Variants in KALRN observed in about 807,000 individuals in gnomAD.
KALRN encodes the protein kalirin.
A neutral mutation model predicts 353.7 loss-of-function variants in KALRN; 70 were observed. The ratio of observed to expected loss-of-function variants is 0.20; its 90% CI spans 0.16 to 0.24. The LOEUF is 0.24. KALRN is among the 10% of genes least tolerant of loss of function. The probability of loss-of-function intolerance (pLI) is 1.00; values close to 1 mark genes in which losing one functional copy is unlikely to be tolerated. For missense variants in KALRN, 2,791 were observed against 3,756.7 expected, an observed-to-expected ratio of 0.74 and a Z score of 6.72; for synonymous variants, 1,391 against 1,434.8, an observed-to-expected ratio of 0.97 and a Z score of 0.69.
At chr3:124,042,383 A>G (rs60547909) in intron 1 of KALRN, among the ~76,000 whole-genome samples, 5,891 of 152,298 alleles carry the variant, frequency 0.039, 353 homozygotes, top group African/African-American at 0.13. Flanking sequence ...TAAAAATGAC[A>G]TGATCAGAAA....
At chr3:124,093,913 G>T (rs2061270314) in intron 1 of KALRN, among the ~76,000 whole-genome samples, 1 of 152,190 alleles carries the variant, frequency 6.6e-6, no homozygotes, top group Non-Finnish European at 1.5e-5. Context: ...AAGGGCAGGA[G>T]CAAAGTCCTG....
rs959295532 is a variant in KALRN, at chr3:124,484,327, C to T, written c.4284+1427C>T. Among the ~76,000 whole-genome samples, 7 of 152,132 alleles carry T rather than the reference C, an allele frequency of 4.6e-5. 1 individual carries two copies. The highest frequency in any genetic ancestry group is 3.2e-3 in the Middle Eastern group (1 of 316). On this transcript the variant is annotated intron_variant, in intron 28 of 59. Coordinates refer to ENST00000682506, the MANE Select transcript of KALRN (RefSeq NM_001388419.1). ...TCTGTCCTCTGAGTCAGAGTGGGGC[C>T]GTGCCACATCATTTCCCTTCAGCCT...
At chr3:124,628,720 CAT>C (rs2080388350) in intron 34 of KALRN, among the ~76,000 whole-genome samples, 1 of 148,540 alleles carries the variant, frequency 6.7e-6, no homozygotes, top group South Asian at 2.2e-4. Flanking sequence ...GGATTTTAGT[CAT>C]GTGCCACCAC....
intron 1 of KALRN, chr3:124,152,127 C>A: frequency 7.7e-7 from 1 of 1,300,174 alleles, no homozygotes; most frequent in Non-Finnish European, 1.1e-6. Context: ...TTATAGATCT[C>A]ATGAATCAGA....
chr3:124,261,423 C>A lies in KALRN; in HGVS notation c.264-3075C>A, dbSNP rs57719402. 5.0e-3 allele frequency among the ~76,000 whole-genome samples: 764 copies of A among 152,252 alleles called. 7 individuals carry two copies. Among genetic ancestry groups the A allele is most frequent in the African/African-American group, 0.018 (739 of 41,532 alleles). ...GTCGTTTCCCCTTTCCCAGCTATGC[C>A]CCTTACTTGAAACCAAACACACAAA... is the stretch of plus-strand genomic sequence containing the variant. On this transcript the variant is annotated intron_variant, in intron 3 of 59. Coordinates refer to ENST00000682506, the MANE Select transcript of KALRN (RefSeq NM_001388419.1).
intron 1 of KALRN, chr3:124,163,691 A>G: frequency 4.1e-6 from 4 of 985,318 alleles, no homozygotes; most frequent in Non-Finnish European, 4.8e-6. Flanking sequence ...ACAACAGGAC[A>G]CTGAGCTGAG....
intron 1 of KALRN, among the ~76,000 whole-genome samples, chr3:124,093,355 G>A (rs998402411): frequency 6.6e-6 from 1 of 152,244 alleles, no homozygotes; most frequent in African/African-American, 2.4e-5. Flanking sequence ...GGCCTAGGCT[G>A]CACAGAGCTG....
intron 34 of KALRN, among the ~76,000 whole-genome samples, chr3:124,584,034 C>T (rs2074873047): frequency 6.6e-6 from 1 of 151,980 alleles, no homozygotes; most frequent in East Asian, 1.9e-4. Flanking sequence ...AAATCTACAA[C>T]CGTGGAATAT....
intron 1 of KALRN, among the ~76,000 whole-genome samples, chr3:124,065,632 T>TAAAA (rs56298061): frequency 7.6e-6 from 1 of 131,752 alleles, no homozygotes; most frequent in African/African-American, 2.8e-5. Flanking sequence ...ATTCCTTAGT[T>TAAAA]AAAAAAAAAA....
chr3:124,039,800 T>G (rs926026341), intron 1 of KALRN, among the ~76,000 whole-genome samples: 5 of 152,118 alleles, frequency 3.3e-5, no homozygotes, highest in Non-Finnish European at 7.3e-5. Context: ...AAGTTATGCT[T>G]GATGCTCCAG....
chr3:124,190,358 C>CT (rs1224116660), intron 1 of KALRN, among the ~76,000 whole-genome samples: 1 of 152,154 alleles, frequency 6.6e-6, no homozygotes, highest in African/African-American at 2.4e-5. Context: ...AAGACCCTAC[C>CT]TTCCCCCTTC....
chr3:124,536,196 C>CTTTTTTTTTTTTTTTTTTTTTTTTTTTT, intron 33 of KALRN, among the ~76,000 whole-genome samples: 1 of 99,124 alleles, frequency 1.0e-5, no homozygotes, highest in Non-Finnish European at 1.9e-5. Flanking sequence ...CATCCATACT[C>CTTTTTTTTTTTTTTTTTTTTTTTTTTTT]TTTTTTTTTT....
In KALRN at chr3:124,455,339, G is replaced by A. The variant is rs750434014; in HGVS notation, c.3715G>A (p.Ala1239Thr). The A allele has an allele frequency of 6.2e-7, 1 of 1,614,114 alleles. No individual in the cohort carries two copies. The highest frequency in any genetic ancestry group is 8.5e-7 in the Non-Finnish European group (1 of 1,179,976). Residue 1239 changes from alanine (A) to threonine (T), a missense_variant, in exon 22 of 60, where the codon GCC becomes ACC. This residue lies in a region of KALRN where 268 missense variants were observed against 347.0 expected (regional missense o/e 0.77). Transcript: ENST00000682506. ...AAAGTACCGATACTCACTGGAGAAA[G>A]CCCTAGGAGTCAACACAGAGGTAGG... is the stretch of plus-strand genomic sequence containing the variant. Reference protein sequence around the residue: ...MGKYRYSLEKALGVNTEDNKD... With the variant: ...MGKYRYSLEKTLGVNTEDNKD...
chr3:124,567,684 A>G (rs1019617751), intron 34 of KALRN, among the ~76,000 whole-genome samples: 1 of 152,134 alleles, frequency 6.6e-6, no homozygotes, highest in East Asian at 1.9e-4. Context: ...CCAACTCTGG[A>G]TGCACCTTAG....
At chr3:124,044,591 G>A (rs1255460847) in intron 1 of KALRN, among the ~76,000 whole-genome samples, 3 of 143,706 alleles carry the variant, frequency 2.1e-5, no homozygotes, top group Non-Finnish European at 4.5e-5. Context: ...TCCAGGCTGG[G>A]CAACAGAGTG....
intron 1 of KALRN, among the ~76,000 whole-genome samples, chr3:124,107,947 G>C (rs903745054): frequency 1.3e-5 from 2 of 152,194 alleles, no homozygotes; most frequent in African/African-American, 2.4e-5. Context: ...AACCTACACA[G>C]ATCAGAGTTA....
intron 3 of KALRN, among the ~76,000 whole-genome samples, chr3:124,238,478 G>T (rs1012145628): frequency 7.9e-5 from 12 of 152,176 alleles, no homozygotes; most frequent in African/African-American, 2.7e-4. Flanking sequence ...TGGGTTGAAG[G>T]TGGGCTTAGA....
chr3:124,486,595 C>G (rs2062595977), intron 28 of KALRN, among the ~76,000 whole-genome samples: 1 of 152,144 alleles, frequency 6.6e-6, no homozygotes, highest in African/African-American at 2.4e-5. Flanking sequence ...ATTTTTCGAT[C>G]AAACCCTCAC....
intron 55 of KALRN, 61 bp from the exon 56 acceptor site, chr3:124,699,808 G>T (rs1156294035): frequency 2.0e-6 from 3 of 1,507,222 alleles, no homozygotes; most frequent in Non-Finnish European, 2.8e-6. Flanking sequence ...TTTGCTGAAG[G>T]TCTTTGAAAC....
Sources: gnomAD v4.1 joint callset for allele counts (sites outside exome capture counted in the v4.1 genomes callset) on GRCh38, gnomAD v4.1.1 for gene constraint, gnomAD v4.1.1 regional missense constraint, MANE v1.5 for transcripts, NCBI Gene and HGNC (gene_info 2026-07-23, HGNC 2026-07-21) for gene names.